Variants in XKR4 observed in about 807,000 individuals in gnomAD.
XKR4 encodes the protein XK related 4.
XKR4 carries 12 observed loss-of-function variants against 53.9 expected under a neutral mutation model. The observed-to-expected ratio is 0.22, with a 90% CI of 0.14 to 0.36. The LOEUF (loss-of-function observed/expected upper bound fraction) is 0.36, where lower values mean the gene tolerates loss of function less well. Ranked by LOEUF, XKR4 falls within the 10% of genes least tolerant of loss-of-function variation. The probability of loss-of-function intolerance (pLI) is 1.00; values close to 1 mark genes in which losing one functional copy is unlikely to be tolerated. For missense variants in XKR4, 799 were observed against 859.5 expected, an observed-to-expected ratio of 0.93 and a Z score of 0.88; for synonymous variants, 354 against 362.4, an observed-to-expected ratio of 0.98 and a Z score of 0.26.
At chr8:55,233,601 T>G (rs1818076631) in intron 1 of XKR4, among the ~76,000 whole-genome samples, 1 of 152,256 alleles carries the variant, frequency 6.6e-6, no homozygotes, top group African/African-American at 2.4e-5. Flanking sequence ...CCTGCCACAC[T>G]GAGGTGGACC....
chr8:55,304,345 C>T (rs866606844), intron 1 of XKR4, among the ~76,000 whole-genome samples: 3 of 152,220 alleles, frequency 2.0e-5, no homozygotes, highest in Admixed American at 6.5e-5. Context: ...AGTTTGATTG[C>T]GCTGTGGTCT....
chr8:55,495,660 A>G (rs1216831515), intron 2 of XKR4, among the ~76,000 whole-genome samples: 1 of 152,080 alleles, frequency 6.6e-6, no homozygotes, highest in Admixed American at 6.5e-5. Context: ...GATAGTAGTG[A>G]CGTAGGGCCA....
chr8:55,404,406 A>T (rs1292632261), intron 2 of XKR4, among the ~76,000 whole-genome samples: 2 of 152,220 alleles, frequency 1.3e-5, no homozygotes, highest in African/African-American at 4.8e-5. Context: ...AGGCTTATTT[A>T]GGAACCATGA....
chr8:55,361,883 G>T (rs768878710), intron 2 of XKR4, among the ~76,000 whole-genome samples: 1 of 151,988 alleles, frequency 6.6e-6, no homozygotes, highest in Non-Finnish European at 1.5e-5. Flanking sequence ...GTTCTTACTC[G>T]TCCTGCAGAA....
Position 55,316,760 on chromosome 8 carries a change from C to T in XKR4, c.807-40918C>T, listed in dbSNP as rs181422679. Among the ~76,000 whole-genome samples the T allele has an allele frequency of 2.2e-4, 34 of 152,198 alleles. No individual in the cohort carries two copies. In the East Asian group the frequency reaches 6.0e-3, roughly 27 times the overall value. ...CCGATCCACTCCACCCTTTCTCTAC[C>T]GCAACCCCCAAGCATATTTGAGATG... On this transcript the variant is annotated intron_variant, in intron 1 of 2. Coordinates refer to ENST00000327381, the MANE Select transcript of XKR4 (RefSeq NM_052898.2).
At chr8:55,432,470 C>T (rs574971365) in intron 2 of XKR4, among the ~76,000 whole-genome samples, 1 of 152,326 alleles carries the variant, frequency 6.6e-6, no homozygotes, top group Non-Finnish European at 1.5e-5. Flanking sequence ...CTGTATGATC[C>T]TTGCATCGCC....
chr8:55,420,604 G>A lies in XKR4; in HGVS notation c.1006+62727G>A, dbSNP rs931303654. On this transcript the variant is annotated intron_variant, in intron 2 of 2. Coordinates refer to ENST00000327381, the MANE Select transcript of XKR4 (RefSeq NM_052898.2). ...GAACAATGAGAACACATGGACACAG[G>A]AAGGGGAACATCGCACTCCGGGGAC... Among the ~76,000 whole-genome samples, 18 of 136,062 alleles carry A rather than the reference G, an allele frequency of 1.3e-4. 1 individual carries two copies. The Admixed American group carries it at 1.5e-3, about 11-fold the overall frequency. The allele number at this position is 136,062 out of a possible 152,430, so 89.3% of individuals were successfully genotyped here.
In XKR4 at chr8:55,219,087, G is replaced by T. The variant is rs552379847; in HGVS notation, c.806+115793G>T. 4.0e-5 allele frequency among the ~76,000 whole-genome samples: 6 copies of T among 150,446 alleles called. No homozygotes were observed. In the South Asian group the frequency reaches 1.3e-3, roughly 32 times the overall value. On this transcript the variant is annotated intron_variant, in intron 1 of 2. Transcript: ENST00000327381. Reference sequence around the variant, plus strand: ...AACGTCTGAAAAAAAGGATAGTCATGAATCCCTTGTTAGAGTTGGGTTTCT... The same window carrying T: ...AACGTCTGAAAAAAAGGATAGTCATTAATCCCTTGTTAGAGTTGGGTTTCT...
intron 2 of XKR4, among the ~76,000 whole-genome samples, chr8:55,504,227 G>GT (rs201348764): frequency 2.8e-5 from 4 of 143,500 alleles, no homozygotes; most frequent in Non-Finnish European, 4.6e-5. Flanking sequence ...GTTTTGTTTT[G>GT]TTTGAGACAG....
chr8:55,381,352 A>T (rs1804229767), intron 2 of XKR4, among the ~76,000 whole-genome samples: 1 of 152,186 alleles, frequency 6.6e-6, no homozygotes, highest in African/African-American at 2.4e-5. Flanking sequence ...AATATGAGAG[A>T]TGGGATTTAT....
chr8:55,383,471 C>T (rs922610084), intron 2 of XKR4, among the ~76,000 whole-genome samples: 12 of 152,212 alleles, frequency 7.9e-5, no homozygotes, highest in Admixed American at 3.3e-4. Flanking sequence ...TACGGGGAAC[C>T]GTTAAGTTAA....
At chr8:55,177,100 G>T (rs1043945288) in intron 1 of XKR4, among the ~76,000 whole-genome samples, 3 of 150,846 alleles carry the variant, frequency 2.0e-5, no homozygotes, top group Admixed American at 6.6e-5. Flanking sequence ...GTAGTGGCAC[G>T]ATCTAAGCTC....
At chr8:55,187,679 T>C (rs1443417071) in intron 1 of XKR4, among the ~76,000 whole-genome samples, 1 of 152,208 alleles carries the variant, frequency 6.6e-6, no homozygotes, top group Non-Finnish European at 1.5e-5. Flanking sequence ...TGTCTCTGTT[T>C]GGGGATGTTT....
chr8:55,403,222 A>G (rs1244453527), intron 2 of XKR4, among the ~76,000 whole-genome samples: 1 of 152,316 alleles, frequency 6.6e-6, no homozygotes, highest in East Asian at 1.9e-4. Flanking sequence ...GCATCTGCAG[A>G]TTTCTATGTA....
chr8:55,207,510 T>C (rs574496984), intron 1 of XKR4, among the ~76,000 whole-genome samples: 5 of 152,182 alleles, frequency 3.3e-5, no homozygotes, highest in Non-Finnish European at 5.9e-5. Context: ...ACATTTTCAG[T>C]TCTGTCATAG....
chr8:55,479,669 G>T (rs983595881), intron 2 of XKR4, among the ~76,000 whole-genome samples: 4 of 151,820 alleles, frequency 2.6e-5, no homozygotes, highest in African/African-American at 9.7e-5. Flanking sequence ...TAATAAAGAA[G>T]AAAAGAGAGA....
rs1232133943 is a variant in XKR4 at position 55,528,420 on chromosome 8, C to T, written c.*4193C>T. 2.0e-5 allele frequency: 3 copies of T among 152,180 alleles called. No homozygotes were observed. The highest frequency in any genetic ancestry group is 2.1e-4 in the South Asian group (1 of 4,834). The allele number at this position is 152,180 out of a possible 1,614,324, so 9.4% of individuals were successfully genotyped here. A position where few individuals can be genotyped will look rare whatever the true frequency, so the allele number is the denominator to read the frequency against. On this transcript the variant is annotated 3_prime_UTR_variant, in exon 3 of 3. Coordinates refer to ENST00000327381, the MANE Select transcript of XKR4 (RefSeq NM_052898.2). The stretch of plus-strand genomic sequence containing the variant: ...ATTTGCTTTTAAATATACCAAATGC[C>T]GTTGATTGGAAACAAGTTCTGACAC...
At chr8:55,423,904 A>T (rs1057353772) in intron 2 of XKR4, among the ~76,000 whole-genome samples, 1 of 152,248 alleles carries the variant, frequency 6.6e-6, no homozygotes, top group African/African-American at 2.4e-5. Flanking sequence ...GAGGGTCAGG[A>T]ATAGATTCTC....
chr8:55,407,474 C>T (rs1321808231), intron 2 of XKR4, among the ~76,000 whole-genome samples: 1 of 152,244 alleles, frequency 6.6e-6, no homozygotes, highest in East Asian at 1.9e-4. Context: ...TCCACGCTGC[C>T]TCCGCCGGAG....
Sources: gnomAD v4.1 joint callset for allele counts (sites outside exome capture counted in the v4.1 genomes callset) on GRCh38, gnomAD v4.1.1 for gene constraint, MANE v1.5 for transcripts, NCBI Gene and HGNC (gene_info 2026-07-23, HGNC 2026-07-21) for gene names.